The following AGR2 variants were observed in gnomAD, a reference collection of about 807,000 sequenced individuals.
AGR2 encodes the protein anterior gradient protein 2 homolog.
AGR2 carries 27 observed loss-of-function variants against 25.9 expected under a neutral mutation model. That is an observed-to-expected ratio of 1.04 (90% confidence interval 0.77 to 1.44). The LOEUF (loss-of-function observed/expected upper bound fraction) is 1.44, where lower values mean the gene tolerates loss of function less well. AGR2 is among the 40% of genes most tolerant of loss of function. The probability of loss-of-function intolerance (pLI) is 0.00; values close to 1 mark genes in which losing one functional copy is unlikely to be tolerated. For synonymous variants in AGR2, 78 were observed against 72.0 expected (o/e 1.08, Z -0.42); for missense variants, 182 against 200.9 (o/e 0.91, Z 0.57).
intron 1 of AGR2, among the ~76,000 whole-genome samples, chr7:16,803,642 G>A (rs3807503): frequency 0.16 from 24,620 of 151,982 alleles, 2,222 homozygotes; most frequent in South Asian, 0.28. Flanking sequence ...GCAAAAATCA[G>A]GGATATACTT....
intron 4 of AGR2, among the ~76,000 whole-genome samples, chr7:16,800,854 G>T (rs1346742106): frequency 2.0e-5 from 3 of 152,188 alleles, no homozygotes; most frequent in African/African-American, 7.2e-5. Flanking sequence ...TGAAGCTGGT[G>T]CTGGTTTAAG....
chr7:16,797,345 A>G (rs1393595837), intron 6 of AGR2, among the ~76,000 whole-genome samples: 1 of 152,242 alleles, frequency 6.6e-6, no homozygotes, highest in Non-Finnish European at 1.5e-5. Context: ...AAATTTATCA[A>G]TATGTTTAAA....
chr7:16,802,605 G>A (rs116022500), intron 1 of AGR2, among the ~76,000 whole-genome samples: 1,767 of 152,184 alleles, frequency 0.012, 34 homozygotes, highest in African/African-American at 0.04. Context: ...AATGTGTATT[G>A]CTTTTGCACC....
chr7:16,801,452 G>A (rs1032533385), intron 2 of AGR2, 69 bp from the exon 3 acceptor site: 2 of 1,441,890 alleles, frequency 1.4e-6, no homozygotes, highest in Non-Finnish European at 1.9e-6. Context: ...GAAAAGCAAT[G>A]GTAAAGACTG....
At position 16,792,420 on chromosome 7, in the gene AGR2, C is replaced by G. The variant is rs543171996; in HGVS notation, c.*488G>C. The G allele has an allele frequency of 6.5e-6, 1 of 153,394 alleles. No individual in the cohort carries two copies. Among genetic ancestry groups the G allele is most frequent in the South Asian group, 2.1e-4 (1 of 4,852 alleles). The allele number at this position is 153,394 out of a possible 1,614,324, so 9.5% of individuals were successfully genotyped here. A position where few individuals can be genotyped will look rare whatever the true frequency, so the allele number is the denominator to read the frequency against. On this transcript the variant is annotated 3_prime_UTR_variant, in exon 8 of 8. Coordinates refer to ENST00000419304, the MANE Select transcript of AGR2 (RefSeq NM_006408.4). ...GATGTGATTTTCTTGGGATGTTTTT[C>G]TAAATATTCTTTTATGCTAAAGCAC...
At position 16,792,967 on chromosome 7, in the gene AGR2, G is replaced by A. The variant is rs775748089; in HGVS notation, c.479-10C>T. The A allele has an allele frequency of 1.9e-6, 3 of 1,613,336 alleles. No homozygotes were observed. In the Admixed American group the frequency reaches 5.0e-5, roughly 27 times the overall value. ...TTCATGTTGTCAAGCACTAATGGGGGATAAAAGCAGGAGAGTCAAGACACC... is the reference window on the plus strand; with the variant it reads ...TTCATGTTGTCAAGCACTAATGGGGAATAAAAGCAGGAGAGTCAAGACACC... On this transcript the variant is annotated splice_polypyrimidine_tract_variant and intron_variant, in intron 7 of 7. Coordinates refer to ENST00000419304, the MANE Select transcript of AGR2 (RefSeq NM_006408.4).
At chr7:16,803,979 A>G (rs2115363418) in intron 1 of AGR2, among the ~76,000 whole-genome samples, 1 of 152,278 alleles carries the variant, frequency 6.6e-6, no homozygotes, top group Non-Finnish European at 1.5e-5. Context: ...TACTTAGCCC[A>G]TTTACAGTTC....
chr7:16,801,716 A>T lies in AGR2; in HGVS notation c.81T>A (p.Pro27=). 1 of 1,613,812 alleles carries T rather than the reference A, an allele frequency of 6.2e-7. No individual in the cohort carries two copies. Among genetic ancestry groups the T allele is most frequent in the Non-Finnish European group, 8.5e-7 (1 of 1,179,972 alleles). ...YTLARDTTVK[P]GAKKDTKDSR... ...AGTCCTTTGTGTCCTTTTTGGCTCCAGGTTTGACTGTGGTATCTCTGGCCA... is the reference window on the plus strand; with the variant it reads ...AGTCCTTTGTGTCCTTTTTGGCTCCTGGTTTGACTGTGGTATCTCTGGCCA... The change falls in exon 2 of 8, where the codon CCT becomes CCA. Residue 27 remains proline, a synonymous_variant. Transcript: ENST00000419304.
At chr7:16,802,441 G>T (rs913113429) in intron 1 of AGR2, among the ~76,000 whole-genome samples, 2 of 152,114 alleles carry the variant, frequency 1.3e-5, no homozygotes, top group Non-Finnish European at 2.9e-5. Context: ...AATGTGCTCA[G>T]AACACTCACA....
At chr7:16,794,652 C>A in intron 7 of AGR2, 1 of 660,010 alleles carries the variant, frequency 1.5e-6, no homozygotes, top group East Asian at 2.7e-5. Flanking sequence ...GCTCGTGTAC[C>A]TAACAGAAAA....
intron 7 of AGR2, 139 bp downstream of exon 7, chr7:16,794,797 G>T: frequency 6.5e-7 from 1 of 1,531,564 alleles, no homozygotes; most frequent in African/African-American, 1.4e-5. Flanking sequence ...AAGATGCAAG[G>T]CTAGTTAGGG....
chr7:16,794,404 C>G (rs1260846672), intron 7 of AGR2, among the ~76,000 whole-genome samples: 1 of 152,052 alleles, frequency 6.6e-6, no homozygotes, highest in East Asian at 1.9e-4. Flanking sequence ...CATTGAGGTA[C>G]CTCATCTGCC....
Position 16,792,757 on chromosome 7 carries a change from C to G in AGR2, c.*151G>C, listed in dbSNP as rs1290311940. 1.4e-6 allele frequency: 1 copy of G among 739,438 alleles called. No homozygotes were observed. Among genetic ancestry groups the G allele is most frequent in the East Asian group, 2.7e-5 (1 of 37,118 alleles). 45.8% of individuals were successfully genotyped at this position (739,438 alleles called of 1,614,324 possible). A position where few individuals can be genotyped will look rare whatever the true frequency, so the allele number is the denominator to read the frequency against. ...TACACTTGAAACCAAATTTCTAAAACTTGTTTTTCTTAAAAAATAGTTGTT... is the reference window on the plus strand; with the variant it reads ...TACACTTGAAACCAAATTTCTAAAAGTTGTTTTTCTTAAAAAATAGTTGTT... On this transcript the variant is annotated 3_prime_UTR_variant, in exon 8 of 8. Transcript: ENST00000419304.
At chr7:16,795,399 T>C (rs145072372) in intron 6 of AGR2, among the ~76,000 whole-genome samples, 133 of 152,232 alleles carry the variant, frequency 8.7e-4, no homozygotes, top group African/African-American at 3.1e-3. Context: ...TGTTGTAGTT[T>C]ACATGTTTCT....
At chr7:16,803,839 G>A (rs1386455517) in intron 1 of AGR2, among the ~76,000 whole-genome samples, 4 of 152,088 alleles carry the variant, frequency 2.6e-5, no homozygotes, top group African/African-American at 9.7e-5. Context: ...TTGGAATACT[G>A]GCTGGTTCAG....
In AGR2 at chr7:16,799,800, C is replaced by G. The variant is rs1785111252; in HGVS notation, c.274G>C (p.Ala92Pro). The G allele has an allele frequency of 6.2e-7, 1 of 1,611,674 alleles. No homozygotes were observed. The highest frequency in any genetic ancestry group is 8.5e-7 in the Non-Finnish European group (1 of 1,178,360). Residue 92 changes from alanine to proline, a missense_variant, in exon 5 of 8, where the codon GCT becomes CCT. Physicochemically the swap from Ala to Pro is conservative, Grantham distance 27. Coordinates refer to ENST00000419304, the MANE Select transcript of AGR2 (RefSeq NM_006408.4). ...PHSQALKKVF[A>P]ENKEIQKLAE... ...AATTTCTGGATTTCTTTATTTTCAG[C>G]AAACACTTTCTTTAAAGCTATAATA...
chr7:16,801,250 A>G lies in AGR2; in HGVS notation c.204-47T>C, dbSNP rs557668111. ...CAAATTTTAATGAGTAAGATTTCACATATATCTAGATGTCACTAGGTGGTG... is the reference window on the plus strand; with the variant it reads ...CAAATTTTAATGAGTAAGATTTCACGTATATCTAGATGTCACTAGGTGGTG... On this transcript the variant is annotated intron_variant, in intron 3 of 7. Transcript: ENST00000419304. The G allele has an allele frequency of 2.4e-5, 38 of 1,607,790 alleles. No individual in the cohort carries two copies. In the South Asian group the frequency reaches 3.6e-4, roughly 15 times the overall value.
chr7:16,801,201 T>C lies in AGR2; in HGVS notation c.206A>G (p.Asn69Ser). 6.2e-7 allele frequency: 1 copy of C among 1,613,980 alleles called. No homozygotes were observed. The highest frequency in any genetic ancestry group is 8.5e-7 in the Non-Finnish European group (1 of 1,179,912). ...EEALYKSKTS[N>S]KPLMIIHHLD... ...GTGATGAATAATCATCAAGGGTTTGTTGCTTTAAAAGACAGAGATTAGACA... is the reference window on the plus strand; with the variant it reads ...GTGATGAATAATCATCAAGGGTTTGCTGCTTTAAAAGACAGAGATTAGACA... Residue 69 changes from asparagine to serine, a missense_variant and splice_region_variant, in exon 4 of 8, where the codon AAC (asparagine) becomes AGC (serine). Transcript: ENST00000419304.
At chr7:16,797,144 T>A (rs1336807454) in intron 6 of AGR2, among the ~76,000 whole-genome samples, 1 of 152,086 alleles carries the variant, frequency 6.6e-6, no homozygotes, top group East Asian at 1.9e-4. Flanking sequence ...GCCAGGCTGG[T>A]TTGGAGCTCC....
Sources: gnomAD v4.1 joint callset for allele counts (sites outside exome capture counted in the v4.1 genomes callset) on GRCh38, gnomAD v4.1.1 for gene constraint, MANE v1.5 for transcripts, NCBI Gene and HGNC (gene_info 2026-07-23, HGNC 2026-07-21) for gene names.